The following SAV1 variants were observed in gnomAD, a reference collection of about 807,000 sequenced individuals.
SAV1 encodes salvador family WW domain containing protein 1, also known as protein salvador homolog 1.
Under a neutral mutation model 47.3 loss-of-function variants are expected in SAV1, and 23 were observed. The observed-to-expected ratio is 0.49, with a 90% confidence interval of 0.35 to 0.69. SAV1 has a LOEUF of 0.69. Among genes scored for constraint, SAV1 ranks in the 30% least tolerant of loss-of-function variants. The pLI is 0.01. For missense variants in SAV1, 448 were observed against 457.4 expected (o/e 0.98, Z 0.19); for synonymous variants, 155 against 159.2 (o/e 0.97, Z 0.20).
intron 2 of SAV1, 91 bp from the exon 3 acceptor site, chr14:50,645,105 C>T (rs1304080283): frequency 1.2e-5 from 13 of 1,044,230 alleles, no homozygotes; most frequent in Non-Finnish European, 1.8e-5. Flanking sequence ...CATTAACTAT[C>T]CTGATTGTAC....
At chr14:50,646,375 G>GA (rs1566742359) in intron 2 of SAV1, among the ~76,000 whole-genome samples, 1 of 152,114 alleles carries the variant, frequency 6.6e-6, no homozygotes, top group African/African-American at 2.4e-5. Flanking sequence ...TGGATAAAGC[G>GA]AGACTACTGT....
At chr14:50,664,306 A>G (rs1199506726) in intron 2 of SAV1, 2 of 152,224 alleles carry the variant, frequency 1.3e-5, no homozygotes, top group Non-Finnish European at 2.9e-5. Context: ...TAATGCTCCA[A>G]ACCATTTTTA....
intron 2 of SAV1, among the ~76,000 whole-genome samples, chr14:50,659,413 A>C (rs996587791): frequency 2.0e-5 from 3 of 152,216 alleles, no homozygotes; most frequent in Admixed American, 1.3e-4. Context: ...ATTTTGATAA[A>C]ATATTTTCCT....
intron 3 of SAV1, among the ~76,000 whole-genome samples, chr14:50,641,103 T>TG (rs1299106753): frequency 6.6e-6 from 1 of 152,206 alleles, no homozygotes; most frequent in Non-Finnish European, 1.5e-5. Context: ...ATGAAAAAGC[T>TG]GGAACTAAGT....
chr14:50,664,025 C>A (rs756775762), intron 2 of SAV1, among the ~76,000 whole-genome samples: 1 of 152,190 alleles, frequency 6.6e-6, no homozygotes, highest in Non-Finnish European at 1.5e-5. Context: ...AAGCTCAAGG[C>A]CCACTCCAAG....
chr14:50,655,281 TA>T (rs1457772891), intron 2 of SAV1, among the ~76,000 whole-genome samples: 2 of 152,184 alleles, frequency 1.3e-5, no homozygotes, highest in Non-Finnish European at 2.9e-5. Flanking sequence ...CATAACAATG[TA>T]ACAATTTTTT....
chr14:50,657,120 G>C (rs993705690), intron 2 of SAV1, among the ~76,000 whole-genome samples: 2 of 150,480 alleles, frequency 1.3e-5, no homozygotes, highest in African/African-American at 2.5e-5. Context: ...TCCACACCGC[G>C]GGTTCCCTGG....
rs78761851 is a variant in SAV1, at chr14:50,666,570, G to T, written c.95-951C>A. ...GATGTAACGACAACAAAACAAAGTAGATCAAAAGTTATTTGCTTAACTGTG... is the reference window on the plus strand; with the variant it reads ...GATGTAACGACAACAAAACAAAGTATATCAAAAGTTATTTGCTTAACTGTG... On this transcript the variant is annotated intron_variant, in intron 1 of 4. Coordinates refer to ENST00000324679, the MANE Select transcript of SAV1 (RefSeq NM_021818.4). Among the ~76,000 whole-genome samples, 66 of 152,208 alleles carry T rather than the reference G, an allele frequency of 4.3e-4. No homozygotes were observed. In the East Asian group the frequency reaches 0.01, roughly 24 times the overall value.
chr14:50,653,552 T>C (rs1380063122), intron 2 of SAV1, among the ~76,000 whole-genome samples: 4 of 152,104 alleles, frequency 2.6e-5, no homozygotes, highest in Non-Finnish European at 5.9e-5. Context: ...TTACGTGAAT[T>C]TGTTTGTTTC....
chr14:50,648,508 G>A (rs1178888291), intron 2 of SAV1, among the ~76,000 whole-genome samples: 6 of 152,106 alleles, frequency 3.9e-5, no homozygotes, highest in African/African-American at 1.2e-4. Context: ...GGCCGGGTGC[G>A]GTGGCTCATG....
In SAV1 at chr14:50,634,802, CT is replaced by C. The variant is rs199500784; in HGVS notation, c.*380del. On this transcript the variant is annotated 3_prime_UTR_variant, in exon 5 of 5. Transcript: ENST00000324679. ...CAATATTTCACACTACAGCGGTAAA[CT>C]TTTTTTTTAAAAAAATACCGCAGAT... is the stretch of plus-strand genomic sequence containing the variant. The C allele has an allele frequency of 1.9e-4, 34 of 174,408 alleles. No individual in the cohort carries two copies. Among genetic ancestry groups the C allele is most frequent in the African/African-American group, 5.1e-4 (21 of 41,154 alleles). The allele number at this position is 174,408 out of a possible 1,614,324, so 10.8% of individuals were successfully genotyped here.
Position 50,660,243 on chromosome 14 carries a change from C to T in SAV1, c.535+4936G>A, listed in dbSNP as rs940242318. On this transcript the variant is annotated intron_variant, in intron 2 of 4. Transcript: ENST00000324679. ...AAGACAGCATTGATAACCCTATGAT[C>T]TCATACCAGTCCAATCACCAGCACC... Among the ~76,000 whole-genome samples the T allele has an allele frequency of 5.3e-5, 8 of 152,214 alleles. No homozygotes were observed. The East Asian group carries it at 1.5e-3, about 29-fold the overall frequency.
intron 2 of SAV1, among the ~76,000 whole-genome samples, chr14:50,662,211 C>G (rs1238648329): frequency 3.3e-5 from 5 of 152,126 alleles, no homozygotes; most frequent in African/African-American, 1.2e-4. Context: ...CTCTGTTGCC[C>G]AGGCTGGAGT....
At chr14:50,658,546 T>C (rs1039638672) in intron 2 of SAV1, among the ~76,000 whole-genome samples, 1 of 152,218 alleles carries the variant, frequency 6.6e-6, no homozygotes, top group Non-Finnish European at 1.5e-5. Context: ...GTGCTTCTAC[T>C]AAATACAATA....
chr14:50,665,426 A>G lies in SAV1; in HGVS notation c.288T>C (p.Pro96=). 6.2e-7 allele frequency: 1 copy of G among 1,613,302 alleles called. No individual in the cohort carries two copies. The highest frequency in any genetic ancestry group is 8.5e-7 in the Non-Finnish European group (1 of 1,179,498). The change falls in exon 2 of 5, where the codon CCT becomes CCC. Residue 96 remains proline, a synonymous_variant. Transcript: ENST00000324679. ...CTGCTAGACTTCTGGCAAGATAAGA[A>G]GGTGCAGATAATCTGTTGCTTTCTC... The part of the protein sequence containing the change: ...MRRESNRLSA[P]SYLARSLADV...
At chr14:50,663,104 C>T (rs550649952) in intron 2 of SAV1, 12 of 152,260 alleles carry the variant, frequency 7.9e-5, no homozygotes, top group South Asian at 6.2e-4. Flanking sequence ...TGGAAGATTA[C>T]GCAGTCATTA....
intron 4 of SAV1, among the ~76,000 whole-genome samples, chr14:50,636,052 T>C (rs1595632172): frequency 6.6e-6 from 1 of 152,194 alleles, no homozygotes; most frequent in Non-Finnish European, 1.5e-5. Context: ...TAATATTACT[T>C]CATTTCAATT....
chr14:50,644,606 G>A, intron 3 of SAV1, 138 bp downstream of exon 3: 4 of 785,502 alleles, frequency 5.1e-6, no homozygotes, highest in Non-Finnish European at 7.6e-6. Context: ...TATGTCCAGA[G>A]AAAAATGTAA....
At chr14:50,652,785 C>T (rs936216851) in intron 2 of SAV1, among the ~76,000 whole-genome samples, 2 of 152,188 alleles carry the variant, frequency 1.3e-5, no homozygotes, top group Non-Finnish European at 2.9e-5. Flanking sequence ...AATCCCAACA[C>T]TTTGGGAGGC....
Sources: gnomAD v4.1 joint callset for allele counts (sites outside exome capture counted in the v4.1 genomes callset) on GRCh38, gnomAD v4.1.1 for gene constraint, MANE v1.5 for transcripts, NCBI Gene and HGNC (gene_info 2026-07-23, HGNC 2026-07-21) for gene names.